The following PIAS4 variants were observed in gnomAD, a reference collection of about 807,000 sequenced individuals.
The protein encoded by PIAS4 is E3 SUMO-protein ligase PIAS4.
PIAS4 carries 7 observed loss-of-function variants against 58.0 expected under a neutral mutation model. That is an observed-to-expected ratio of 0.12 (90% CI 0.07 to 0.23). PIAS4 has a LOEUF of 0.23. Ranked by LOEUF, PIAS4 falls within the 10% of genes least tolerant of loss-of-function variation. The pLI is 1.00. For synonymous variants in PIAS4, 364 were observed against 312.4 expected (o/e 1.17, Z -1.74); for missense variants, 550 against 709.5 (o/e 0.78, Z 2.55).
intron 7 of PIAS4, among the ~76,000 whole-genome samples, chr19:4,029,820 T>C (rs1204281195): frequency 9.2e-6 from 1 of 108,676 alleles, no homozygotes; most frequent in Non-Finnish European, 1.7e-5. Context: ...AATTTTTTTT[T>C]TTTTTTTTTT....
chr19:4,033,368 C>T, intron 8 of PIAS4, 52 bp from the exon 9 acceptor site: 1 of 1,502,188 alleles, frequency 6.7e-7, no homozygotes, highest in Non-Finnish European at 9.0e-7. Flanking sequence ...GGGCACCGGG[C>T]AGGCGGGCAC....
chr19:4,033,254 T>G (rs2144938810), intron 8 of PIAS4, 81 bp downstream of exon 8: 4 of 1,458,310 alleles, frequency 2.7e-6, no homozygotes, highest in Non-Finnish European at 3.8e-6. Context: ...CCGGGGCGGC[T>G]TGGCTGGGCC....
chr19:4,008,020 C>T (rs929490385), intron 1 of PIAS4, among the ~76,000 whole-genome samples: 2 of 151,618 alleles, frequency 1.3e-5, no homozygotes, highest in Non-Finnish European at 3.0e-5. Context: ...GTCGCTCCCC[C>T]GGCTTCAGGC....
chr19:4,035,861 C>CCACACCATAACA (rs2040271362), intron 9 of PIAS4, among the ~76,000 whole-genome samples: 1 of 147,824 alleles, frequency 6.8e-6, no homozygotes. Context: ...TCCATACAGT[C>CCACACCATAACA]CACACCGTCT....
At chr19:4,022,449 C>T (rs1398712582) in intron 2 of PIAS4, among the ~76,000 whole-genome samples, 1 of 152,064 alleles carries the variant, frequency 6.6e-6, no homozygotes, top group Non-Finnish European at 1.5e-5. Context: ...TCCCTGCAAG[C>T]TCCGCCTCCC....
chr19:4,021,563 G>A (rs768723805), intron 2 of PIAS4, among the ~76,000 whole-genome samples: 6 of 152,066 alleles, frequency 3.9e-5, no homozygotes, highest in Non-Finnish European at 7.4e-5. Context: ...GGTATTCATC[G>A]GGAATTTTCC....
rs111164843 is a variant in PIAS4, at chr19:4,036,131, C to T, written c.1143-1243C>T. On this transcript the variant is annotated intron_variant, in intron 9 of 10. Coordinates refer to ENST00000262971, the MANE Select transcript of PIAS4 (RefSeq NM_015897.4). ...ACACACACATCTATACAGTCCACACCGTCACACATCCGTACAGTCCACACC... is the reference window on the plus strand; with the variant it reads ...ACACACACATCTATACAGTCCACACTGTCACACATCCGTACAGTCCACACC... Among the ~76,000 whole-genome samples the T allele has an allele frequency of 1.3e-3, 125 of 94,082 alleles. 4 individuals are homozygous for T. In the South Asian group the frequency reaches 0.016, roughly 12 times the overall value. The allele number at this position is 94,082 out of a possible 152,430, so 61.7% of individuals were successfully genotyped here. A position where few individuals can be genotyped will look rare whatever the true frequency, so the allele number is the denominator to read the frequency against.
chr19:4,024,762 GTT>G (rs149421334), intron 3 of PIAS4, among the ~76,000 whole-genome samples: 130,258 of 149,792 alleles, frequency 0.87, 57,309 homozygotes, highest in East Asian at 0.96. Flanking sequence ...GTGTTTTTTT[GTT>G]TTTTTTTTTT....
intron 1 of PIAS4, 44 bp downstream of exon 1, chr19:4,007,831 G>A (rs1352119776): frequency 1.7e-6 from 2 of 1,199,554 alleles, no homozygotes; most frequent in Admixed American, 4.4e-5. Flanking sequence ...GTGGGCGAGA[G>A]GGCGGGGGCC....
intron 2 of PIAS4, among the ~76,000 whole-genome samples, chr19:4,023,185 A>AG (rs2040127859): frequency 6.6e-6 from 1 of 150,944 alleles, no homozygotes; most frequent in Non-Finnish European, 1.5e-5. Flanking sequence ...AAAAAAAAAA[A>AG]AAAATGGGGC....
Position 4,039,198 on chromosome 19 carries a change from T to C in PIAS4, c.*1323T>C, listed in dbSNP as rs770438040. ...AACTCCTAGTCAGGAAGCAATATCATTTCAGGTCTAAAGAAAGGGACGTGC... is the reference window on the plus strand; with the variant it reads ...AACTCCTAGTCAGGAAGCAATATCACTTCAGGTCTAAAGAAAGGGACGTGC... On this transcript the variant is annotated 3_prime_UTR_variant, in exon 11 of 11. Coordinates refer to ENST00000262971, the MANE Select transcript of PIAS4 (RefSeq NM_015897.4). 2 of 152,292 alleles carry C rather than the reference T, an allele frequency of 1.3e-5. No individual in the cohort carries two copies. Among genetic ancestry groups the C allele is most frequent in the Non-Finnish European group, 2.9e-5 (2 of 68,076 alleles). The allele number at this position is 152,292 out of a possible 1,614,324, so 9.4% of individuals were successfully genotyped here.
At chr19:4,012,812 T>C in intron 1 of PIAS4, 111 bp from the exon 2 acceptor site, 1 of 1,243,952 alleles carries the variant, frequency 8.0e-7, no homozygotes, top group Non-Finnish European at 1.1e-6. Context: ...AGGCTGGCGC[T>C]TCCTGGCGAG....
Position 4,028,839 on chromosome 19 carries a change from C to T in PIAS4, c.792C>T (p.Asn264=), listed in dbSNP as rs761049760. 12 of 1,613,426 alleles carry T rather than the reference C, an allele frequency of 7.4e-6. No individual in the cohort carries two copies. The African/African-American group carries it at 1.6e-4, about 22-fold the overall frequency. Residue 264 remains asparagine (N), a synonymous_variant, in exon 6 of 11, where the codon AAC becomes AAT. Coordinates refer to ENST00000262971, the MANE Select transcript of PIAS4 (RefSeq NM_015897.4). The part of the protein sequence containing the change: ...ATNRITVTWG[N]YGKSYSVALY... ...ACCGCATCACTGTCACCTGGGGGAA[C>T]TACGGCAAGGTGAGTGCGTGCCCGG...
At chr19:4,014,818 G>C (rs1181053619) in intron 2 of PIAS4, among the ~76,000 whole-genome samples, 1 of 152,232 alleles carries the variant, frequency 6.6e-6, no homozygotes, top group African/African-American at 2.4e-5. Flanking sequence ...AGCGTTGATG[G>C]GGGTAGGGGG....
chr19:4,018,266 C>T (rs1393689026), intron 2 of PIAS4, among the ~76,000 whole-genome samples: 2 of 152,342 alleles, frequency 1.3e-5, no homozygotes, highest in South Asian at 2.1e-4. Flanking sequence ...CGGTGCTTGC[C>T]GCCTTCTCCC....
In PIAS4 at chr19:4,036,853, C is replaced by T. The variant is rs528963303; in HGVS notation, c.1143-521C>T. Among the ~76,000 whole-genome samples, 1,267 of 151,194 alleles carry T rather than the reference C, an allele frequency of 8.4e-3. 10 individuals carry two copies. Among genetic ancestry groups the T allele is most frequent in the Non-Finnish European group, 0.011 (757 of 67,520 alleles). ...ACCGTCACACACACACGCCCACACCCGCATGCCACACATCCATACAGTCCA... is the reference window on the plus strand; with the variant it reads ...ACCGTCACACACACACGCCCACACCTGCATGCCACACATCCATACAGTCCA... On this transcript the variant is annotated intron_variant, in intron 9 of 10. Coordinates refer to ENST00000262971, the MANE Select transcript of PIAS4 (RefSeq NM_015897.4).
chr19:4,018,897 A>G (rs1304221169), intron 2 of PIAS4, among the ~76,000 whole-genome samples: 1 of 152,052 alleles, frequency 6.6e-6, no homozygotes, highest in Non-Finnish European at 1.5e-5. Context: ...GGAGGCCCTG[A>G]TGCAGCATGG....
At position 4,033,014 on chromosome 19, in the gene PIAS4, C is replaced by T. The variant is rs565109033; in HGVS notation, c.908-86C>T. On this transcript the variant is annotated intron_variant, in intron 7 of 10. Transcript: ENST00000262971. The stretch of plus-strand genomic sequence containing the variant: ...TCAGGGGCCTGTTCTGGGAGGTGGA[C>T]GTCAGTGCCGGAGAGAACTCGAATC... 3.6e-4 allele frequency: 376 copies of T among 1,055,680 alleles called. 2 individuals carry two copies. Among genetic ancestry groups the T allele is most frequent in the Non-Finnish European group, 1.7e-5 (12 of 691,012 alleles). The allele number at this position is 1,055,680 out of a possible 1,614,324, so 65.4% of individuals were successfully genotyped here.
At chr19:4,014,869 G>A (rs1009579465) in intron 2 of PIAS4, among the ~76,000 whole-genome samples, 5 of 152,194 alleles carry the variant, frequency 3.3e-5, no homozygotes, top group African/African-American at 1.2e-4. Context: ...CTGCAGCCCT[G>A]GGACTTAGTG....
Sources: allele counts gnomAD v4.1 joint callset (sites outside exome capture counted in the v4.1 genomes callset), GRCh38; gene constraint gnomAD v4.1.1; transcripts MANE v1.5; gene names NCBI Gene and HGNC (gene_info 2026-07-23, HGNC 2026-07-21).